The following FHIT variants were observed in gnomAD, a reference collection of about 807,000 sequenced individuals.
FHIT encodes fragile histidine triad diadenosine triphosphatase.
In FHIT, 19 loss-of-function variants were observed where a neutral mutation model predicts 17.9. The ratio of observed to expected loss-of-function variants is 1.06; its 90% confidence interval spans 0.74 to 1.56. FHIT has a LOEUF of 1.56. Ranked by LOEUF, FHIT falls within the 40% of genes most tolerant of loss-of-function variation. FHIT has a pLI of 0.00. For missense variants in FHIT, 248 were observed against 189.2 expected, an observed-to-expected ratio of 1.31 and a Z score of -1.82; for synonymous variants, 81 against 69.7, an observed-to-expected ratio of 1.16 and a Z score of -0.81.
At chr3:60,716,326 C>T (rs1457866281) in intron 4 of FHIT, among the ~76,000 whole-genome samples, 2 of 151,994 alleles carry the variant, frequency 1.3e-5, no homozygotes, top group African/African-American at 4.8e-5. Flanking sequence ...TACAGCTGCA[C>T]AAAAATATTT....
At chr3:60,445,355 G>C (rs901607975) in intron 5 of FHIT, among the ~76,000 whole-genome samples, 2 of 151,936 alleles carry the variant, frequency 1.3e-5, no homozygotes, top group African/African-American at 4.8e-5. Context: ...CTAAAATGTT[G>C]TTCTTGGATT....
intron 5 of FHIT, among the ~76,000 whole-genome samples, chr3:60,469,448 C>T (rs2032969992): frequency 6.6e-6 from 1 of 152,144 alleles, no homozygotes; most frequent in South Asian, 2.1e-4. Flanking sequence ...GACTCTGATG[C>T]ATTCTTCAGT....
intron 7 of FHIT, among the ~76,000 whole-genome samples, chr3:59,979,727 T>G (rs1016297243): frequency 3.3e-5 from 5 of 152,118 alleles, no homozygotes; most frequent in African/African-American, 9.7e-5. Flanking sequence ...AAGAAGGGGT[T>G]TGGTCGCTAT....
At chr3:59,930,632 G>A (rs912600603) in intron 7 of FHIT, among the ~76,000 whole-genome samples, 2 of 151,968 alleles carry the variant, frequency 1.3e-5, no homozygotes, top group Non-Finnish European at 2.9e-5. Flanking sequence ...TTCTATGTTG[G>A]GATCCCATGC....
chr3:61,188,147 G>C (rs1264461597), intron 2 of FHIT, among the ~76,000 whole-genome samples: 4 of 152,074 alleles, frequency 2.6e-5, no homozygotes, highest in African/African-American at 9.7e-5. Flanking sequence ...CCAGGAGCTG[G>C]TTTTTTGAAA....
intron 5 of FHIT, among the ~76,000 whole-genome samples, chr3:60,260,199 G>A (rs1333366630): frequency 6.6e-6 from 1 of 151,912 alleles, no homozygotes; most frequent in Non-Finnish European, 1.5e-5. Context: ...CAGTTCTAAG[G>A]GCCGTAGAGG....
chr3:60,858,839 C>G (rs888541941), intron 3 of FHIT, among the ~76,000 whole-genome samples: 10 of 152,132 alleles, frequency 6.6e-5, no homozygotes, highest in African/African-American at 1.2e-4. Context: ...CTAGCAATCC[C>G]TCTGGACTAC....
intron 4 of FHIT, among the ~76,000 whole-genome samples, chr3:60,785,377 C>T (rs782563512): frequency 4.6e-5 from 7 of 151,956 alleles, no homozygotes; most frequent in East Asian, 1.9e-4. Context: ...ATCTGCAGAC[C>T]GGTGGAAGTC....
chr3:60,151,697 C>T (rs1191738218), intron 5 of FHIT, among the ~76,000 whole-genome samples: 3 of 152,144 alleles, frequency 2.0e-5, no homozygotes, highest in Admixed American at 6.5e-5. Context: ...TTTCTCTCCT[C>T]GGGGGCTTTA....
intron 5 of FHIT, among the ~76,000 whole-genome samples, chr3:60,478,362 C>T (rs1001642652): frequency 1.3e-5 from 2 of 152,146 alleles, no homozygotes; most frequent in Non-Finnish European, 2.9e-5. Flanking sequence ...TCCTAGCCAA[C>T]AAATTCAAGG....
intron 3 of FHIT, among the ~76,000 whole-genome samples, chr3:60,882,593 A>T (rs1013564162): frequency 6.6e-6 from 1 of 152,208 alleles, no homozygotes; most frequent in African/African-American, 2.4e-5. Flanking sequence ...GATACTTCAC[A>T]TTAACAAAAT....
At chr3:59,843,982 T>C (rs1337725428) in intron 8 of FHIT, among the ~76,000 whole-genome samples, 1 of 152,110 alleles carries the variant, frequency 6.6e-6, no homozygotes, top group Non-Finnish European at 1.5e-5. Context: ...TCATGAGATC[T>C]GTTTGTTTAA....
intron 8 of FHIT, among the ~76,000 whole-genome samples, chr3:59,844,079 T>G (rs1246025600): frequency 6.6e-6 from 1 of 152,158 alleles, no homozygotes; most frequent in Non-Finnish European, 1.5e-5. Flanking sequence ...CTGTCTGCCA[T>G]GAGTAAAAGC....
At chr3:60,309,956 CTCATT>C (rs1332866612) in intron 5 of FHIT, among the ~76,000 whole-genome samples, 3 of 152,086 alleles carry the variant, frequency 2.0e-5, no homozygotes, top group African/African-American at 7.2e-5. Flanking sequence ...ATTCGAGTGT[CTCATT>C]TCATAAGACT....
chr3:60,645,097 T>C (rs1559609598), intron 4 of FHIT, among the ~76,000 whole-genome samples: 1 of 152,122 alleles, frequency 6.6e-6, no homozygotes, highest in Admixed American at 6.5e-5. Context: ...CCAGGTCATC[T>C]AGGCATCTGC....
chr3:59,795,250 G>T (rs980490120), intron 8 of FHIT, among the ~76,000 whole-genome samples: 3 of 152,086 alleles, frequency 2.0e-5, no homozygotes, highest in African/African-American at 4.8e-5. Context: ...GCTGGCCATT[G>T]GTGGGTGCCT....
intron 5 of FHIT, among the ~76,000 whole-genome samples, chr3:60,320,088 T>C (rs1323098850): frequency 6.6e-6 from 1 of 152,144 alleles, no homozygotes; most frequent in Non-Finnish European, 1.5e-5. Context: ...TTAGGCACCA[T>C]CCAGACCACA....
At chr3:61,067,840 C>A (rs991795966) in intron 2 of FHIT, among the ~76,000 whole-genome samples, 1 of 152,178 alleles carries the variant, frequency 6.6e-6, no homozygotes, top group South Asian at 2.1e-4. Flanking sequence ...CTTTACTGAA[C>A]AACCTGTTTG....
intron 5 of FHIT, among the ~76,000 whole-genome samples, chr3:60,240,887 T>C (rs931114254): frequency 1.3e-5 from 2 of 152,152 alleles, no homozygotes; most frequent in African/African-American, 4.8e-5. Context: ...TCATTTCTTC[T>C]GGAGGGAAAA....
Sources: gnomAD v4.1 joint callset for allele counts (sites outside exome capture counted in the v4.1 genomes callset) on GRCh38, gnomAD v4.1.1 for gene constraint, MANE v1.5 for transcripts, NCBI Gene and HGNC (gene_info 2026-07-23, HGNC 2026-07-21) for gene names.